Variants in UBE2W observed in about 807,000 individuals in gnomAD.
UBE2W encodes the protein ubiquitin conjugating enzyme E2 W, also known as ubiquitin-conjugating enzyme E2 W.
Under a neutral mutation model 27.2 loss-of-function variants are expected in UBE2W, and 18 were observed. The observed-to-expected ratio is 0.66, with a 90% CI of 0.46 to 0.98. UBE2W has a LOEUF of 0.98. Ranked by LOEUF, UBE2W falls within the 50% of genes least tolerant of loss-of-function variation. UBE2W has a pLI of 0.00. For synonymous variants in UBE2W, 53 were observed against 57.2 expected (o/e 0.93, Z 0.33); for missense variants, 90 against 180.2 (o/e 0.50, Z 2.87).
At chr8:73,838,123 T>C (rs60641660) in intron 1 of UBE2W, among the ~76,000 whole-genome samples, 4,761 of 152,294 alleles carry the variant, frequency 0.031, 228 homozygotes, top group African/African-American at 0.1. Context: ...AGGATTCTGA[T>C]ACATCTAAAT....
chr8:73,842,528 C>CAAAAAAAAAAAAAA (rs759063478), intron 1 of UBE2W, among the ~76,000 whole-genome samples: 2 of 9,676 alleles, frequency 2.1e-4, no homozygotes, highest in African/African-American at 5.6e-4. Context: ...GACTCCGTCT[C>CAAAAAAAAAAAAAA]AAAAAAAAAA....
intron 1 of UBE2W, among the ~76,000 whole-genome samples, chr8:73,863,697 G>A (rs1460969382): frequency 1.3e-5 from 2 of 151,902 alleles, no homozygotes; most frequent in Non-Finnish European, 2.9e-5. Flanking sequence ...GGTGGAGGGT[G>A]CAGTGAGCCG....
At chr8:73,784,265 T>G (rs1807896518), downstream of UBE2W, among the ~76,000 whole-genome samples, 1 of 152,300 alleles carries the variant, frequency 6.6e-6, no homozygotes, top group South Asian at 2.1e-4. Context: ...CAGCACTCTG[T>G]GATTACCCCA....
chr8:73,849,924 A>G (rs1345772895), intron 1 of UBE2W, among the ~76,000 whole-genome samples: 1 of 149,934 alleles, frequency 6.7e-6, no homozygotes, highest in Non-Finnish European at 1.5e-5. Context: ...AATAAAAGAT[A>G]GAATAACTAT....
intron 1 of UBE2W, among the ~76,000 whole-genome samples, chr8:73,841,540 A>C (rs1810534282): frequency 6.6e-6 from 1 of 152,188 alleles, no homozygotes; most frequent in African/African-American, 2.4e-5. Context: ...AAATGTGCCA[A>C]TAATTTCTCC....
At chr8:73,866,162 T>C (rs898645648) in intron 1 of UBE2W, among the ~76,000 whole-genome samples, 1 of 150,698 alleles carries the variant, frequency 6.6e-6, no homozygotes, top group Non-Finnish European at 1.5e-5. Flanking sequence ...TCCCAGCTAT[T>C]CGGGAGGCTG....
chr8:73,855,236 A>C (rs1811237654), intron 1 of UBE2W, among the ~76,000 whole-genome samples: 1 of 152,174 alleles, frequency 6.6e-6, no homozygotes. Flanking sequence ...TTTTACTGTG[A>C]TATGCAATTT....
intron 1 of UBE2W, among the ~76,000 whole-genome samples, chr8:73,854,545 C>T (rs766388983): frequency 6.6e-6 from 1 of 152,088 alleles, no homozygotes; most frequent in Non-Finnish European, 1.5e-5. Context: ...ATTGTCATTG[C>T]CATTTTTATT....
downstream of UBE2W, among the ~76,000 whole-genome samples, chr8:73,785,469 CA>C (rs1289888570): frequency 2.6e-5 from 4 of 152,206 alleles, no homozygotes; most frequent in East Asian, 7.7e-4. Flanking sequence ...AAAATAAATT[CA>C]GGGGGTACAC....
chr8:73,817,148 AC>A, intron 3 of UBE2W, among the ~76,000 whole-genome samples: 2 of 151,048 alleles, frequency 1.3e-5, no homozygotes, highest in African/African-American at 4.9e-5. Flanking sequence ...ACATGGTGAA[AC>A]CCCATTTCTA....
chr8:73,838,387 G>T (rs1375380467), intron 1 of UBE2W, among the ~76,000 whole-genome samples: 1 of 151,978 alleles, frequency 6.6e-6, no homozygotes, highest in Non-Finnish European at 1.5e-5. Context: ...ATAATACCTT[G>T]GTTGAAAATC....
In UBE2W at chr8:73,787,031, A is replaced by G. The variant is rs955190944; in HGVS notation, c.*7071T>C. 2 of 985,322 alleles carry G rather than the reference A, an allele frequency of 2.0e-6. No individual in the cohort carries two copies. Among genetic ancestry groups the G allele is most frequent in the Admixed American group, 1.2e-4 (2 of 16,260 alleles). 61.0% of individuals were successfully genotyped at this position (985,322 alleles called of 1,614,324 possible). A position where few individuals can be genotyped will look rare whatever the true frequency, so the allele number is the denominator to read the frequency against. ...CTGAAGGCCAGATACAGACATGAGAAGATATTTCCTACCTTAGTTGATAAA... is the reference window on the plus strand; with the variant it reads ...CTGAAGGCCAGATACAGACATGAGAGGATATTTCCTACCTTAGTTGATAAA... On this transcript the variant is annotated 3_prime_UTR_variant, in exon 6 of 6. Coordinates refer to ENST00000602593, the MANE Select transcript of UBE2W (RefSeq NM_018299.6).
downstream of UBE2W, among the ~76,000 whole-genome samples, chr8:73,785,917 A>G (rs574534109): frequency 1.6e-4 from 24 of 152,336 alleles, no homozygotes; most frequent in African/African-American, 4.8e-4. Context: ...TTTCTTTGAT[A>G]ATCAGAAACT....
chr8:73,870,416 C>G (rs1811957359), intron 1 of UBE2W: 1 of 917,246 alleles, frequency 1.1e-6, no homozygotes, highest in Non-Finnish European at 1.6e-6. Flanking sequence ...ACAAAAGCAT[C>G]TAGTAGAGCT....
intron 1 of UBE2W, among the ~76,000 whole-genome samples, chr8:73,850,022 A>G (rs989396029): frequency 3.9e-5 from 6 of 152,224 alleles, no homozygotes; most frequent in African/African-American, 1.4e-4. Flanking sequence ...CTACAAGTCT[A>G]TCTTCATAGA....
intron 3 of UBE2W, among the ~76,000 whole-genome samples, chr8:73,814,001 G>A (rs546639357): frequency 6.6e-6 from 1 of 152,214 alleles, no homozygotes; most frequent in East Asian, 1.9e-4. Flanking sequence ...CCAAAGTGCT[G>A]GGGTTACAGG....
chr8:73,844,240 A>G (rs1810670515), intron 1 of UBE2W, among the ~76,000 whole-genome samples: 1 of 139,848 alleles, frequency 7.2e-6, no homozygotes, highest in South Asian at 2.2e-4. Context: ...ACTCACTGCA[A>G]CCTCCCTGCC....
chr8:73,787,772 A>G lies in UBE2W; in HGVS notation c.*6330T>C. On this transcript the variant is annotated 3_prime_UTR_variant, in exon 6 of 6. Coordinates refer to ENST00000602593, the MANE Select transcript of UBE2W (RefSeq NM_018299.6). ...CTCCAGAAAGCATCCAGAAGTTCTT[A>G]GAGTATGCCCTTAATTGTACAACTT... The G allele has an allele frequency of 1.0e-6, 1 of 985,448 alleles. No homozygotes were observed. The allele number at this position is 985,448 out of a possible 1,614,324, so 61.0% of individuals were successfully genotyped here.
chr8:73,786,853 T>C lies in UBE2W; in HGVS notation c.*7249A>G. On this transcript the variant is annotated 3_prime_UTR_variant, in exon 6 of 6. Transcript: ENST00000602593. ...AGTATCATTGCTTGATTAAGTTGGA[T>C]GGGAATGTCATTAAATTATAACAGG... 1 of 985,418 alleles carries C rather than the reference T, an allele frequency of 1.0e-6. No homozygotes were observed. The highest frequency in any genetic ancestry group is 1.2e-6 in the Non-Finnish European group (1 of 829,920). 61.0% of individuals were successfully genotyped at this position (985,418 alleles called of 1,614,324 possible).
Sources: allele counts gnomAD v4.1 joint callset (sites outside exome capture counted in the v4.1 genomes callset), GRCh38; gene constraint gnomAD v4.1.1; transcripts MANE v1.5; gene names NCBI Gene and HGNC (gene_info 2026-07-23, HGNC 2026-07-21).